The following ST6GALNAC3 variants were observed in gnomAD, a reference collection of about 807,000 sequenced individuals.
ST6GALNAC3 encodes alpha-N-acetylgalactosaminide alpha-2,6-sialyltransferase 3.
A neutral mutation model predicts 32.7 loss-of-function variants in ST6GALNAC3; 25 were observed. The observed-to-expected ratio is 0.76, with a 90% CI of 0.56 to 1.07. ST6GALNAC3 has a LOEUF of 1.07. ST6GALNAC3 is among the 50% of genes least tolerant of loss of function. The pLI, the probability that ST6GALNAC3 is intolerant of heterozygous loss-of-function variation, is 0.00. For synonymous variants in ST6GALNAC3, 129 were observed against 133.1 expected (o/e 0.97, Z 0.21); for missense variants, 355 against 382.4 (o/e 0.93, Z 0.60).
At chr1:76,486,609 C>T (rs1253707253) in intron 3 of ST6GALNAC3, among the ~76,000 whole-genome samples, 5 of 152,108 alleles carry the variant, frequency 3.3e-5, no homozygotes, top group Non-Finnish European at 5.9e-5. Context: ...TATTTTGAGC[C>T]TATATGTGTC....
chr1:76,405,966 T>G (rs1653802120), intron 2 of ST6GALNAC3, among the ~76,000 whole-genome samples: 1 of 151,996 alleles, frequency 6.6e-6, no homozygotes, highest in African/African-American at 2.4e-5. Flanking sequence ...CCCTACAGTA[T>G]CAGAGAACAT....
At chr1:76,429,814 A>T (rs1184714879) in intron 3 of ST6GALNAC3, among the ~76,000 whole-genome samples, 1 of 152,114 alleles carries the variant, frequency 6.6e-6, no homozygotes, top group African/African-American at 2.4e-5. Context: ...TACAGGTAGA[A>T]ATTGGCAAAC....
At chr1:76,555,032 A>G (rs1664838003) in intron 3 of ST6GALNAC3, among the ~76,000 whole-genome samples, 4 of 152,184 alleles carry the variant, frequency 2.6e-5, no homozygotes, top group Admixed American at 2.6e-4. Flanking sequence ...TTCTTCTGTA[A>G]AATGGAAACA....
intron 3 of ST6GALNAC3, among the ~76,000 whole-genome samples, chr1:76,443,437 C>T (rs1468873254): frequency 1.3e-5 from 2 of 152,182 alleles, no homozygotes; most frequent in African/African-American, 2.4e-5. Context: ...TGATCCTACT[C>T]GGCCTTAAGA....
intron 3 of ST6GALNAC3, among the ~76,000 whole-genome samples, chr1:76,425,255 C>T (rs1014134412): frequency 1.3e-5 from 2 of 151,886 alleles, no homozygotes; most frequent in African/African-American, 4.8e-5. Context: ...TTCTGTATAG[C>T]GCCTATGCAA....
At position 76,412,362 on chromosome 1, in the gene ST6GALNAC3, G is replaced by T. The variant is rs1248691920; in HGVS notation, c.568G>T (p.Glu190Ter). Residue 190 changes from glutamate to a stop codon, truncating the protein, a stop_gained, in exon 3 of 5, where the codon GAG becomes TAG. Coordinates refer to ENST00000328299, the MANE Select transcript of ST6GALNAC3 (RefSeq NM_152996.4). LOFTEE classifies it high-confidence loss of function. ...YPNAQIYVTT[E>*]KRMSYCDGVF... ...GAATGCCCAAATATACGTGACCACA[G>T]AGAAGCGCATGAGTTACTGTGATGG... is the stretch of plus-strand genomic sequence containing the variant. 2 of 1,613,300 alleles carry T rather than the reference G, an allele frequency of 1.2e-6. No homozygotes were observed. The highest frequency in any genetic ancestry group is 3.3e-5 in the Admixed American group (2 of 59,908).
At chr1:76,464,309 A>G (rs1168239274) in intron 3 of ST6GALNAC3, among the ~76,000 whole-genome samples, 2 of 152,072 alleles carry the variant, frequency 1.3e-5, no homozygotes, top group Non-Finnish European at 2.9e-5. Context: ...TAAAACCACA[A>G]CCTCTGGTTC....
intron 2 of ST6GALNAC3, among the ~76,000 whole-genome samples, chr1:76,366,694 C>T (rs563324528): frequency 2.0e-5 from 2 of 101,910 alleles, no homozygotes; most frequent in South Asian, 9.0e-4. Flanking sequence ...GTAAAAACTG[C>T]CTCACATGTC....
At chr1:76,429,326 TGTATA>T (rs558846853) in intron 3 of ST6GALNAC3, among the ~76,000 whole-genome samples, 162 of 152,304 alleles carry the variant, frequency 1.1e-3, no homozygotes, top group Admixed American at 1.8e-3. Context: ...AGTTTTCTCA[TGTATA>T]AAGTAGTGTC....
At chr1:76,635,831 T>C (rs886447842), downstream of ST6GALNAC3, among the ~76,000 whole-genome samples, 45 of 152,126 alleles carry the variant, frequency 3.0e-4, no homozygotes, top group Admixed American at 3.3e-4. Context: ...GAAGGTTTTA[T>C]GGGCAAGCCT....
intron 1 of ST6GALNAC3, among the ~76,000 whole-genome samples, chr1:76,189,789 A>T (rs992412568): frequency 6.6e-6 from 1 of 152,188 alleles, no homozygotes; most frequent in Non-Finnish European, 1.5e-5. Flanking sequence ...AGAGATGGAG[A>T]TGGAGGCCAG....
At chr1:76,408,995 T>A (rs1293497386) in intron 2 of ST6GALNAC3, among the ~76,000 whole-genome samples, 1 of 152,122 alleles carries the variant, frequency 6.6e-6, no homozygotes, top group Non-Finnish European at 1.5e-5. Context: ...CAGGCTCTGC[T>A]GCAAGCCGTC....
At chr1:76,413,772 G>A (rs1050109018) in intron 3 of ST6GALNAC3, among the ~76,000 whole-genome samples, 2 of 152,110 alleles carry the variant, frequency 1.3e-5, no homozygotes, top group Middle Eastern at 3.2e-3. Context: ...AGGCAGTAGA[G>A]ATGAAAGGGA....
chr1:76,155,435 A>G (rs1159951091), intron 1 of ST6GALNAC3, among the ~76,000 whole-genome samples: 1 of 152,142 alleles, frequency 6.6e-6, no homozygotes, highest in African/African-American at 2.4e-5. Flanking sequence ...AACTATGAAT[A>G]TAGCAAGAGT....
intron 3 of ST6GALNAC3, among the ~76,000 whole-genome samples, chr1:76,452,382 A>G (rs186448675): frequency 1.3e-3 from 203 of 152,278 alleles, no homozygotes; most frequent in Middle Eastern, 3.4e-3. Flanking sequence ...ACCCAGTCTC[A>G]GGTATGTCTT....
intron 3 of ST6GALNAC3, among the ~76,000 whole-genome samples, chr1:76,476,248 C>G (rs181255255): frequency 6.6e-6 from 1 of 152,238 alleles, no homozygotes; most frequent in Admixed American, 6.5e-5. Context: ...AAGGACCAGA[C>G]AGTAAATATT....
chr1:76,081,094 C>A (rs1646887862), intron 1 of ST6GALNAC3, among the ~76,000 whole-genome samples: 1 of 152,114 alleles, frequency 6.6e-6, no homozygotes, highest in Admixed American at 6.5e-5. Context: ...AATGAAGACA[C>A]TGAAGTTCAG....
chr1:76,637,053 A>T (rs1021707396), downstream of ST6GALNAC3: 2 of 152,212 alleles, frequency 1.3e-5, no homozygotes, highest in Non-Finnish European at 2.9e-5. Context: ...CTCACTATCC[A>T]TAAGTCCATG....
intron 3 of ST6GALNAC3, among the ~76,000 whole-genome samples, chr1:76,464,992 T>C (rs574427345): frequency 5.6e-4 from 82 of 146,954 alleles, no homozygotes; most frequent in African/African-American, 2.1e-3. Flanking sequence ...CTTCAAACTT[T>C]CTTTTTTCAA....
Sources: gnomAD v4.1 joint callset for allele counts (sites outside exome capture counted in the v4.1 genomes callset) on GRCh38, gnomAD v4.1.1 for gene constraint, MANE v1.5 for transcripts, NCBI Gene and HGNC (gene_info 2026-07-23, HGNC 2026-07-21) for gene names.